Variants in SHPRH observed in about 807,000 individuals in gnomAD.
SHPRH encodes the protein E3 ubiquitin-protein ligase SHPRH.
A neutral mutation model predicts 202.5 loss-of-function variants in SHPRH; 106 were observed. The observed-to-expected ratio is 0.52, with a 90% confidence interval of 0.45 to 0.62. SHPRH has a LOEUF of 0.62. Among genes scored for constraint, SHPRH ranks in the 20% least tolerant of loss-of-function variants. The pLI is 0.00. For missense variants in SHPRH, 1,710 were observed against 2,020.0 expected, an observed-to-expected ratio of 0.85 and a Z score of 2.94; for synonymous variants, 729 against 686.0, an observed-to-expected ratio of 1.06 and a Z score of -0.98.
In SHPRH at chr6:145,885,175, G is replaced by T. The variant is rs1036088046; in HGVS notation, c.*1516C>A. The T allele has an allele frequency of 6.6e-6, 1 of 152,078 alleles. No homozygotes were observed. The highest frequency in any genetic ancestry group is 6.6e-5 in the Admixed American group (1 of 15,254). The allele number at this position is 152,078 out of a possible 1,614,324, so 9.4% of individuals were successfully genotyped here. ...AGTTCTCTACCTTTAAAACAGTAAAGATATTAATTATATCAACTTCACAAG... is the reference window on the plus strand; with the variant it reads ...AGTTCTCTACCTTTAAAACAGTAAATATATTAATTATATCAACTTCACAAG... On this transcript the variant is annotated 3_prime_UTR_variant, in exon 30 of 30. Coordinates refer to ENST00000275233, the MANE Select transcript of SHPRH (RefSeq NM_001042683.3).
chr6:145,939,437 G>A (rs1413622599), intron 11 of SHPRH, among the ~76,000 whole-genome samples: 1 of 152,092 alleles, frequency 6.6e-6, no homozygotes, highest in African/African-American at 2.4e-5. Flanking sequence ...TTAGGAATTT[G>A]TTGAATGGTG....
intron 11 of SHPRH, 74 bp from the exon 12 acceptor site, chr6:145,935,515 G>T: frequency 7.1e-7 from 1 of 1,417,144 alleles, no homozygotes; most frequent in Non-Finnish European, 9.7e-7. Flanking sequence ...CTTTTCTACA[G>T]ACATTACACA....
At chr6:145,867,451 T>G (rs1197643185) in intron 2 of SHPRH, among the ~76,000 whole-genome samples, 10 of 151,384 alleles carry the variant, frequency 6.6e-5, no homozygotes, top group African/African-American at 2.4e-4. Context: ...TGGTGGACCC[T>G]CCATGCAGTC....
At chr6:145,907,458 A>G (rs1386046798) in intron 25 of SHPRH, 2 of 152,154 alleles carry the variant, frequency 1.3e-5, no homozygotes, top group Non-Finnish European at 2.9e-5. Context: ...TTTGATCATG[A>G]TACATCCCTG....
chr6:145,860,191 GA>G (rs1779534008), downstream of SHPRH, among the ~76,000 whole-genome samples: 2 of 151,954 alleles, frequency 1.3e-5, no homozygotes, highest in Admixed American at 6.6e-5. Context: ...AAGCAATCCA[GA>G]AAGGAAAAGT....
chr6:145,927,006 T>C (rs142419778), intron 15 of SHPRH, among the ~76,000 whole-genome samples, 183 bp downstream of exon 15: 88 of 152,156 alleles, frequency 5.8e-4, no homozygotes, highest in African/African-American at 2.1e-3. Flanking sequence ...AATGGAATAG[T>C]AGTGATTCTC....
intron 26 of SHPRH, 66 bp downstream of exon 26, chr6:145,894,819 C>A: frequency 6.8e-7 from 1 of 1,460,722 alleles, no homozygotes; most frequent in Non-Finnish European, 9.5e-7. Context: ...TAGTTCTCAG[C>A]TGTAAACTGA....
At chr6:145,934,405 G>A (rs1023966603) in intron 13 of SHPRH, among the ~76,000 whole-genome samples, 22 of 132,482 alleles carry the variant, frequency 1.7e-4, no homozygotes, top group African/African-American at 2.3e-4. Context: ...GGCAGAGATT[G>A]CAGTGAGCTG....
chr6:145,880,753 TATA>T (rs1258924566), downstream of SHPRH, among the ~76,000 whole-genome samples: 19 of 151,706 alleles, frequency 1.3e-4, 1 homozygote, highest in Middle Eastern at 3.4e-3. Context: ...CATTACAAAA[TATA>T]ATAAGTTAAT....
intron 25 of SHPRH, 130 bp from the exon 26 acceptor site, chr6:145,895,107 G>T: frequency 1.4e-6 from 1 of 726,820 alleles, no homozygotes; most frequent in Non-Finnish European, 2.2e-6. Context: ...AGGTGCATAT[G>T]TGTTTACTCT....
At chr6:145,912,087 A>G (rs1372442871) in intron 24 of SHPRH, among the ~76,000 whole-genome samples, 4 of 149,484 alleles carry the variant, frequency 2.7e-5, no homozygotes, top group Non-Finnish European at 5.9e-5. Context: ...GCAATGGAGA[A>G]GAAGCAACGA....
At chr6:145,944,657 T>G (rs1787171829) in intron 8 of SHPRH, among the ~76,000 whole-genome samples, 2 of 152,034 alleles carry the variant, frequency 1.3e-5, no homozygotes, top group Admixed American at 6.6e-5. Flanking sequence ...GAAAATAAAT[T>G]TTTTGTCTTT....
chr6:145,882,804 A>G (rs1780677664), downstream of SHPRH, among the ~76,000 whole-genome samples: 1 of 152,212 alleles, frequency 6.6e-6, no homozygotes, highest in Non-Finnish European at 1.5e-5. Flanking sequence ...GAAAATGACC[A>G]CAGGTAATTT....
chr6:145,948,722 T>C (rs1787659236), intron 4 of SHPRH, among the ~76,000 whole-genome samples: 1 of 152,062 alleles, frequency 6.6e-6, no homozygotes, highest in Non-Finnish European at 1.5e-5. Context: ...TTATATGAAG[T>C]CTTTGAATAA....
At chr6:145,937,234 T>C (rs1786211245) in intron 11 of SHPRH, among the ~76,000 whole-genome samples, 3 of 152,110 alleles carry the variant, frequency 2.0e-5, no homozygotes, top group African/African-American at 4.8e-5. Flanking sequence ...TCCACCCGCC[T>C]CAGCCTCCCA....
At chr6:145,878,127 T>A (rs1780387018) in intron 2 of SHPRH, 1 of 152,200 alleles carries the variant, frequency 6.6e-6, no homozygotes, top group African/African-American at 2.4e-5. Flanking sequence ...TGTAAAGTGA[T>A]AGCTCATTGT....
intron 23 of SHPRH, 50 bp downstream of exon 23, chr6:145,918,081 G>T: frequency 7.0e-7 from 1 of 1,429,976 alleles, no homozygotes; most frequent in Non-Finnish European, 9.7e-7. Flanking sequence ...CACTAAAGTG[G>T]TTTATGATAA....
Position 145,921,343 on chromosome 6 carries a change from C to T in SHPRH, c.3832G>A (p.Gly1278Arg). 6.2e-7 allele frequency: 1 copy of T among 1,612,710 alleles called. No homozygotes were observed. Among genetic ancestry groups the T allele is most frequent in the Non-Finnish European group, 8.5e-7 (1 of 1,179,214 alleles). ...GTAGGTGCTCGATCATCCACCAGTC[C>T]TTCTTCATCTTCTATCATCTCCTCA... ...IFEEMIEDEE[G>R]LVDDRAPTTT... is the part of the protein sequence containing the mutation. The change falls in exon 21 of 30, where the codon GGA becomes AGA. Residue 1278 changes from glycine to arginine, a missense_variant. Coordinates refer to ENST00000275233, the MANE Select transcript of SHPRH (RefSeq NM_001042683.3).
At chr6:145,897,183 TA>T (rs938620365) in intron 25 of SHPRH, among the ~76,000 whole-genome samples, 8 of 151,572 alleles carry the variant, frequency 5.3e-5, no homozygotes, top group Non-Finnish European at 7.4e-5. Context: ...GAGTAAAATT[TA>T]AAAAATTATA....
Sources: gnomAD v4.1 joint callset for allele counts (sites outside exome capture counted in the v4.1 genomes callset) on GRCh38, gnomAD v4.1.1 for gene constraint, MANE v1.5 for transcripts, NCBI Gene and HGNC (gene_info 2026-07-23, HGNC 2026-07-21) for gene names.